Variants in DPP10 observed in about 807,000 individuals in gnomAD.
DPP10 encodes inactive dipeptidyl peptidase 10.
Under a neutral mutation model 120.9 loss-of-function variants are expected in DPP10, and 33 were observed. The ratio of observed to expected loss-of-function variants is 0.27; its 90% CI spans 0.21 to 0.37. The LOEUF (loss-of-function observed/expected upper bound fraction) is 0.37, where lower values mean the gene tolerates loss of function less well. DPP10 is among the 10% of genes least tolerant of loss of function. The probability of loss-of-function intolerance (pLI) is 1.00; values close to 1 mark genes in which losing one functional copy is unlikely to be tolerated. For missense variants in DPP10, 816 were observed against 942.8 expected (o/e 0.87, Z 1.76); for synonymous variants, 337 against 326.1 (o/e 1.03, Z -0.36).
At chr2:115,443,219 G>A (rs2072242427) in intron 3 of DPP10, among the ~76,000 whole-genome samples, 1 of 152,116 alleles carries the variant, frequency 6.6e-6, no homozygotes, top group Admixed American at 6.6e-5. Context: ...CACGATTTGA[G>A]CACAGTTTTG....
At chr2:115,159,204 A>C (rs1287402048) in intron 1 of DPP10, among the ~76,000 whole-genome samples, 1 of 152,134 alleles carries the variant, frequency 6.6e-6, no homozygotes, top group Non-Finnish European at 1.5e-5. Flanking sequence ...CATGTCTGTA[A>C]TCCCAGCACT....
chr2:115,548,856 CAA>C (rs1431524612), intron 5 of DPP10, among the ~76,000 whole-genome samples: 1 of 152,110 alleles, frequency 6.6e-6, no homozygotes, highest in Non-Finnish European at 1.5e-5. Context: ...CATCATGTGA[CAA>C]AGTTTAAATA....
chr2:114,792,927 T>C (rs1410869337), intron 1 of DPP10, among the ~76,000 whole-genome samples: 1 of 151,772 alleles, frequency 6.6e-6, no homozygotes, highest in Admixed American at 6.6e-5. Context: ...TAATAACTCA[T>C]AGCCATGAAC....
At chr2:114,961,345 C>T (rs376733792) in intron 1 of DPP10, among the ~76,000 whole-genome samples, 5 of 152,020 alleles carry the variant, frequency 3.3e-5, no homozygotes, top group African/African-American at 7.2e-5. Context: ...TGAGCCACTG[C>T]GCCTGGCCCT....
chr2:114,556,784 T>C (rs1688349257), intron 1 of DPP10, among the ~76,000 whole-genome samples: 1 of 152,070 alleles, frequency 6.6e-6, no homozygotes, highest in East Asian at 1.9e-4. Flanking sequence ...AGAGTGGATT[T>C]TGACAGAGGA....
intron 1 of DPP10, chr2:115,162,176 T>C (rs924846578): frequency 8.9e-5 from 138 of 1,546,790 alleles, no homozygotes; most frequent in Admixed American, 2.2e-4. Flanking sequence ...CTCCTGCTTC[T>C]CCACGGACTC....
chr2:115,204,498 G>A (rs1019361579), intron 1 of DPP10, among the ~76,000 whole-genome samples: 5 of 152,138 alleles, frequency 3.3e-5, no homozygotes, highest in African/African-American at 7.2e-5. Context: ...GACAATGCCA[G>A]CACTTTACAA....
chr2:114,820,294 G>A (rs1240224151), intron 1 of DPP10, among the ~76,000 whole-genome samples: 1 of 152,126 alleles, frequency 6.6e-6, no homozygotes, highest in Non-Finnish European at 1.5e-5. Context: ...GTAAGAGGCA[G>A]AGGCAATAAT....
intron 1 of DPP10, among the ~76,000 whole-genome samples, chr2:114,859,366 CAAA>C (rs58306246): frequency 7.2e-4 from 93 of 129,902 alleles, no homozygotes; most frequent in Non-Finnish European, 7.4e-4. Context: ...GAAACTCCGT[CAAA>C]AAAAAAAAAA....
chr2:115,829,571 CA>C (rs2150092964), intron 21 of DPP10, among the ~76,000 whole-genome samples: 1 of 152,124 alleles, frequency 6.6e-6, no homozygotes. Flanking sequence ...TTTGTTTCAA[CA>C]GTTATAATAA....
In DPP10 at chr2:115,052,312, G is replaced by GA. The variant is rs770790099; in HGVS notation, c.61-256920dup. On this transcript the variant is annotated intron_variant, in intron 1 of 25. Coordinates refer to ENST00000410059, the MANE Select transcript of DPP10 (RefSeq NM_020868.6). ...GACTCCAAAAGCACAAGCAGCAAAAGAAAAAAATGGTAAACTAAATTTAAT... is the reference window on the plus strand; with the variant it reads ...GACTCCAAAAGCACAAGCAGCAAAAGAAAAAAAATGGTAAACTAAATTTAAT... 9.5e-4 allele frequency among the ~76,000 whole-genome samples: 143 copies of GA among 151,186 alleles called. 1 individual carries two copies. Among genetic ancestry groups the GA allele is most frequent in the Middle Eastern group, 3.4e-3 (1 of 294 alleles).
intron 3 of DPP10, among the ~76,000 whole-genome samples, chr2:115,465,396 A>C (rs1383311390): frequency 6.6e-6 from 1 of 152,228 alleles, no homozygotes; most frequent in Non-Finnish European, 1.5e-5. Flanking sequence ...ACACTGAGGA[A>C]GGAGAACTAC....
At chr2:114,796,285 T>C (rs1242287815) in intron 1 of DPP10, among the ~76,000 whole-genome samples, 2 of 152,194 alleles carry the variant, frequency 1.3e-5, no homozygotes, top group Non-Finnish European at 1.5e-5. Flanking sequence ...TTGAATTTCT[T>C]GGTATGGACT....
chr2:115,526,028 A>G (rs953071906), intron 5 of DPP10, 56 bp downstream of exon 5: 34 of 1,450,654 alleles, frequency 2.3e-5, no homozygotes, highest in South Asian at 4.9e-5. Flanking sequence ...TGGGGTGACA[A>G]TGCATAATTT....
chr2:114,955,656 A>G (rs1216228606), intron 1 of DPP10, among the ~76,000 whole-genome samples: 1 of 152,252 alleles, frequency 6.6e-6, no homozygotes, highest in Admixed American at 6.5e-5. Flanking sequence ...ATAATATTTC[A>G]GGCCAATAAC....
At chr2:115,106,157 A>G (rs1380329589) in intron 1 of DPP10, among the ~76,000 whole-genome samples, 2 of 152,170 alleles carry the variant, frequency 1.3e-5, no homozygotes, top group Non-Finnish European at 2.9e-5. Flanking sequence ...CTGCTTTGCT[A>G]TTCTTCTTGT....
At chr2:114,566,117 G>A (rs1689179867) in intron 1 of DPP10, among the ~76,000 whole-genome samples, 1 of 152,208 alleles carries the variant, frequency 6.6e-6, no homozygotes, top group South Asian at 2.1e-4. Flanking sequence ...AATTTTCAGG[G>A]GTTCAGGTTC....
In DPP10 at chr2:114,567,067, T is replaced by C. The variant is rs959386492; in HGVS notation, c.60+124229T>C. Among the ~76,000 whole-genome samples, 3 of 152,298 alleles carry C rather than the reference T, an allele frequency of 2.0e-5. No individual in the cohort carries two copies. The South Asian group carries it at 6.2e-4, about 32-fold the overall frequency. On this transcript the variant is annotated intron_variant, in intron 1 of 25. Transcript: ENST00000410059. The stretch of plus-strand genomic sequence containing the variant: ...CCATACTCCACTCCAGGCTCCCTCC[T>C]TCCTATCTCCCATCCTCCAACAGCT...
At chr2:115,377,141 T>C (rs1437433093) in intron 3 of DPP10, among the ~76,000 whole-genome samples, 2 of 152,166 alleles carry the variant, frequency 1.3e-5, no homozygotes, top group African/African-American at 4.8e-5. Flanking sequence ...ACTTCCACAA[T>C]GGTTGAACTA....
Sources: gnomAD v4.1 joint callset for allele counts (sites outside exome capture counted in the v4.1 genomes callset) on GRCh38, gnomAD v4.1.1 for gene constraint, MANE v1.5 for transcripts, NCBI Gene and HGNC (gene_info 2026-07-23, HGNC 2026-07-21) for gene names.